Variants in IL1RAPL2 observed in about 807,000 individuals in gnomAD.
The protein encoded by IL1RAPL2 is X-linked interleukin-1 receptor accessory protein-like 2.
A neutral mutation model predicts 44.1 loss-of-function variants in IL1RAPL2; 3 were observed. The ratio of observed to expected loss-of-function variants is 0.07; its 90% CI spans 0.03 to 0.18. The LOEUF (loss-of-function observed/expected upper bound fraction) is 0.18. Among genes scored for constraint, IL1RAPL2 ranks in the 10% least tolerant of loss-of-function variants. The pLI is 1.00. For missense variants in IL1RAPL2, 391 were observed against 496.4 expected (o/e 0.79, Z 2.02); for synonymous variants, 181 against 178.8 (o/e 1.01, Z -0.10).
chrX:104,696,888 G>C (rs934660141), intron 2 of IL1RAPL2, among the ~76,000 whole-genome samples: 2 of 111,752 alleles, frequency 1.8e-5, no homozygotes, highest in African/African-American at 3.3e-5. Context: ...GCAGCAGGGA[G>C]GGTCAAAGGA....
chrX:105,113,456 C>G (rs754412012), intron 2 of IL1RAPL2, among the ~76,000 whole-genome samples: 3 of 112,439 alleles, frequency 2.7e-5, no homozygotes, highest in African/African-American at 9.7e-5. Flanking sequence ...GTGGGACAAT[C>G]TAGCCAAATA....
intron 8 of IL1RAPL2, among the ~76,000 whole-genome samples, chrX:105,747,696 G>A (rs1799390677): frequency 9.2e-6 from 1 of 108,933 alleles, no homozygotes; most frequent in African/African-American, 3.3e-5. Context: ...CTAGAGAAAG[G>A]TTGACAGTCT....
intron 2 of IL1RAPL2, among the ~76,000 whole-genome samples, chrX:104,957,085 G>A (rs1191058427): frequency 3.6e-5 from 4 of 112,322 alleles, no homozygotes; most frequent in South Asian, 3.7e-4. Context: ...TATATTTGCT[G>A]CTGCTGAGTT....
intron 2 of IL1RAPL2, among the ~76,000 whole-genome samples, chrX:105,023,393 A>G (rs1244398696): frequency 3.6e-5 from 4 of 110,989 alleles, no homozygotes; most frequent in Admixed American, 2.9e-4. Flanking sequence ...CTCTTGTTTT[A>G]TTTTGCTATC....
chrX:105,304,314 T>C (rs761916347), intron 5 of IL1RAPL2, among the ~76,000 whole-genome samples: 8 of 112,702 alleles, frequency 7.1e-5, no homozygotes, highest in Non-Finnish European at 1.5e-4. Flanking sequence ...TTTTTAAGTG[T>C]CCTTGGAGTA....
At chrX:105,035,793 C>T (rs1453749385) in intron 2 of IL1RAPL2, among the ~76,000 whole-genome samples, 2 of 112,410 alleles carry the variant, frequency 1.8e-5, no homozygotes, top group Non-Finnish European at 3.8e-5. Flanking sequence ...AAAGAGATTA[C>T]ACTAAAAGCA....
At chrX:105,502,430 G>A (rs2036401860) in intron 6 of IL1RAPL2, among the ~76,000 whole-genome samples, 1 of 111,627 alleles carries the variant, frequency 9.0e-6, no homozygotes, top group African/African-American at 3.3e-5. Flanking sequence ...ACCAGATGTG[G>A]CCTAACTCAT....
intron 2 of IL1RAPL2, among the ~76,000 whole-genome samples, chrX:104,991,444 CAGAA>C (rs2030661399): frequency 9.0e-6 from 1 of 111,137 alleles, no homozygotes; most frequent in Non-Finnish European, 1.9e-5. Flanking sequence ...AGACAGGGGC[CAGAA>C]AGCCTTTCAA....
intron 6 of IL1RAPL2, among the ~76,000 whole-genome samples, chrX:105,559,977 C>T (rs999858256): frequency 3.6e-5 from 4 of 111,789 alleles, no homozygotes; most frequent in African/African-American, 1.3e-4. Context: ...GCTTAGATCC[C>T]AATCTTTGAG....
chrX:104,899,182 T>C (rs964062372), intron 2 of IL1RAPL2, among the ~76,000 whole-genome samples: 1 of 111,904 alleles, frequency 8.9e-6, no homozygotes, highest in Non-Finnish European at 1.9e-5. Flanking sequence ...AATTGGAAGA[T>C]GTTTTCCTTG....
intron 5 of IL1RAPL2, among the ~76,000 whole-genome samples, chrX:105,388,391 T>C (rs1359448627): frequency 1.1e-5 from 1 of 92,786 alleles, no homozygotes; most frequent in African/African-American, 4.3e-5. Context: ...TTTTTACTAA[T>C]GATGATTCAA....
rs760341414 is a variant in IL1RAPL2 at position 105,684,275 on chromosome X, C to G, written c.773-33092C>G. Among the ~76,000 whole-genome samples, 5 of 112,540 alleles carry G rather than the reference C, an allele frequency of 4.4e-5. No homozygotes were observed. In the South Asian group the frequency reaches 1.8e-3, roughly 41 times the overall value. ...CAAGGGGTTGGGGGATTTCCCTTTC[C>G]TAGCCAAGGGAAGCTGTGACAGATT... is the stretch of plus-strand genomic sequence containing the variant. On this transcript the variant is annotated intron_variant, in intron 6 of 10. Coordinates refer to ENST00000372582, the MANE Select transcript of IL1RAPL2 (RefSeq NM_017416.2).
intron 6 of IL1RAPL2, among the ~76,000 whole-genome samples, chrX:105,650,400 A>T (rs368548485): frequency 9.0e-6 from 1 of 111,699 alleles, no homozygotes; most frequent in African/African-American, 3.3e-5. Flanking sequence ...GAATAAGACC[A>T]AAGTTCTTTA....
chrX:105,237,786 G>T (rs782026993), intron 4 of IL1RAPL2, among the ~76,000 whole-genome samples: 1 of 111,337 alleles, frequency 9.0e-6, no homozygotes, highest in East Asian at 2.8e-4. Flanking sequence ...CCATTCTGTA[G>T]GTTGCCTGTT....
At chrX:105,571,976 A>T (rs2037017545) in intron 6 of IL1RAPL2, among the ~76,000 whole-genome samples, 1 of 111,577 alleles carries the variant, frequency 9.0e-6, no homozygotes, top group Admixed American at 9.5e-5. Flanking sequence ...AGCCTTCCTT[A>T]ATGATCAGTG....
At chrX:104,876,776 T>C (rs1350830464) in intron 2 of IL1RAPL2, among the ~76,000 whole-genome samples, 4 of 106,297 alleles carry the variant, frequency 3.8e-5, no homozygotes, top group Non-Finnish European at 7.7e-5. Flanking sequence ...ATGTGCACAA[T>C]GTGCAGGTTA....
intron 2 of IL1RAPL2, among the ~76,000 whole-genome samples, chrX:104,893,539 T>G (rs747703034): frequency 8.0e-5 from 9 of 111,854 alleles, no homozygotes; most frequent in African/African-American, 2.9e-4. Context: ...TACCATTATG[T>G]AATGGTCTTC....
intron 2 of IL1RAPL2, among the ~76,000 whole-genome samples, chrX:104,663,496 A>T (rs1930437753): frequency 9.0e-6 from 1 of 110,864 alleles, no homozygotes; most frequent in Admixed American, 9.7e-5. Flanking sequence ...AGAACACTAG[A>T]AGTTAGAAAA....
In IL1RAPL2 at chrX:105,252,907, C is replaced by T. The variant is rs190562234; in HGVS notation, c.544-14481C>T. Among the ~76,000 whole-genome samples, 365 of 106,863 alleles carry T rather than the reference C, an allele frequency of 3.4e-3. 3 individuals carry two copies. The highest frequency in any genetic ancestry group is 0.013 in the African/African-American group (355 of 26,697). The allele number at this position is 106,863 out of a possible 115,157, so 92.8% of individuals were successfully genotyped here. A position where few individuals can be genotyped will look rare whatever the true frequency, so the allele number is the denominator to read the frequency against. Reference sequence around the variant, plus strand: ...ATTTAAGGCTCTTTACATTTGAATCCAGCCACTCTCAAAAGAGCAAAATTA... The same window carrying T: ...ATTTAAGGCTCTTTACATTTGAATCTAGCCACTCTCAAAAGAGCAAAATTA... On this transcript the variant is annotated intron_variant, in intron 4 of 10. Transcript: ENST00000372582.
Sources: gnomAD v4.1 joint callset for allele counts (sites outside exome capture counted in the v4.1 genomes callset) on GRCh38, gnomAD v4.1.1 for gene constraint, MANE v1.5 for transcripts, NCBI Gene and HGNC (gene_info 2026-07-23, HGNC 2026-07-21) for gene names.